DAB1: variants seen among roughly 807,000 people sequenced by gnomAD.
DAB1 encodes DAB adaptor protein 1.
DAB1 carries 15 observed loss-of-function variants against 64.6 expected under a neutral mutation model. The ratio of observed to expected loss-of-function variants is 0.23; its 90% CI spans 0.16 to 0.36. The LOEUF (loss-of-function observed/expected upper bound fraction) is 0.36, where lower values mean the gene tolerates loss of function less well. DAB1 is among the 10% of genes least tolerant of loss of function. The pLI is 1.00. For synonymous variants in DAB1, 235 were observed against 251.9 expected (o/e 0.93, Z 0.64); for missense variants, 596 against 706.7 (o/e 0.84, Z 1.78).
intron 2 of DAB1, among the ~76,000 whole-genome samples, chr1:57,205,990 A>G (rs1053): frequency 0.51 from 77,907 of 151,994 alleles, 20,064 homozygotes; most frequent in Admixed American, 0.55. Flanking sequence ...TCTTTTCAAT[A>G]AGCATTTGTC....
chr1:57,944,185 G>A (rs1280397241), intron 5 of DAB1, among the ~76,000 whole-genome samples: 1 of 152,008 alleles, frequency 6.6e-6, no homozygotes, highest in African/African-American at 2.4e-5. Context: ...TACTCAACAC[G>A]CTGGCTTCAT....
In DAB1 at chr1:57,864,075, A is replaced by G. The variant is rs1241295918; in HGVS notation, n.87+19924T>C. Among the ~76,000 whole-genome samples the G allele has an allele frequency of 3.3e-5, 5 of 152,182 alleles. No individual in the cohort carries two copies. In the East Asian group the frequency reaches 9.6e-4, roughly 29 times the overall value. The stretch of plus-strand genomic sequence containing the variant: ...CAGGAGGTGATGTGTGCTAGGACGA[A>G]AAAGGAGAGCAGAGTAAGGAGTGGG... On this transcript the variant is annotated intron_variant and non_coding_transcript_variant, in intron 1 of 1. Transcript: ENST00000477280.
rs146379875 is a variant in DAB1 at position 57,765,523 on chromosome 1, G to A, written n.552-115858C>T. 1.5e-3 allele frequency among the ~76,000 whole-genome samples: 234 copies of A among 152,212 alleles called. 2 individuals carry two copies. The highest frequency in any genetic ancestry group is 5.5e-3 in the African/African-American group (229 of 41,534). On this transcript the variant is annotated intron_variant and non_coding_transcript_variant, in intron 6 of 20. Coordinates refer to the DAB1 transcript ENST00000485760. ...ATTTCCACTTCGATGACAAGCCCAC[G>A]TGAAAGCATATCTAGGGGTAACTCA...
intron 6 of DAB1, among the ~76,000 whole-genome samples, chr1:57,722,032 A>T (rs1196747967): frequency 6.6e-6 from 1 of 152,176 alleles, no homozygotes. Flanking sequence ...AGTCTCTCCA[A>T]ACCAGGTCAG....
At chr1:58,317,604 G>A (rs1924567) in intron 4 of DAB1, among the ~76,000 whole-genome samples, 2,438 of 152,330 alleles carry the variant, frequency 0.016, 65 homozygotes, top group African/African-American at 0.05. Flanking sequence ...AAGGACCACA[G>A]ATGCAACCCG....
intron 2 of DAB1, among the ~76,000 whole-genome samples, chr1:57,270,738 ACTT>A (rs753385723): frequency 3.9e-5 from 6 of 152,322 alleles, no homozygotes; most frequent in Non-Finnish European, 7.3e-5. Context: ...TAGAGTGGAC[ACTT>A]TCATCTGTGA....
chr1:57,566,520 G>A (rs962210617), intron 7 of DAB1, among the ~76,000 whole-genome samples: 2 of 152,026 alleles, frequency 1.3e-5, no homozygotes, highest in African/African-American at 4.8e-5. Flanking sequence ...AAAATCGATA[G>A]ACCGCTAGCA....
chr1:57,268,946 G>T (rs1249567495), intron 2 of DAB1, among the ~76,000 whole-genome samples: 1 of 152,136 alleles, frequency 6.6e-6, no homozygotes, highest in African/African-American at 2.4e-5. Context: ...GGTGCTACCA[G>T]CCCTGGGATT....
chr1:58,073,520 CTA>C (rs1371464193), intron 5 of DAB1, among the ~76,000 whole-genome samples: 1 of 152,200 alleles, frequency 6.6e-6, no homozygotes, highest in Non-Finnish European at 1.5e-5. Context: ...AAGCCTAAGA[CTA>C]TGTCTGGTAG....
chr1:58,029,113 A>C (rs1646936270), intron 5 of DAB1, among the ~76,000 whole-genome samples: 1 of 152,142 alleles, frequency 6.6e-6, no homozygotes, highest in Non-Finnish European at 1.5e-5. Flanking sequence ...TAACACTAAG[A>C]CCAACTATAA....
At chr1:57,555,506 T>C (rs1392009202) in intron 7 of DAB1, among the ~76,000 whole-genome samples, 1 of 151,970 alleles carries the variant, frequency 6.6e-6, no homozygotes, top group Non-Finnish European at 1.5e-5. Context: ...AATAAGTCTA[T>C]GGAGTTTACA....
chr1:57,322,679 G>T (rs1410348628), intron 1 of DAB1, among the ~76,000 whole-genome samples: 1 of 152,272 alleles, frequency 6.6e-6, no homozygotes. Flanking sequence ...TATGCAGTAG[G>T]AGATACTCTA....
chr1:58,343,734 C>T (rs1029013401), intron 3 of DAB1, among the ~76,000 whole-genome samples: 2 of 152,156 alleles, frequency 1.3e-5, no homozygotes, highest in African/African-American at 4.8e-5. Context: ...ATCTTGTCTT[C>T]TCTATTGAAA....
At chr1:57,785,035 C>CA (rs1393399237) in intron 6 of DAB1, among the ~76,000 whole-genome samples, 3 of 152,132 alleles carry the variant, frequency 2.0e-5, no homozygotes, top group Non-Finnish European at 4.4e-5. Context: ...AACCAATACT[C>CA]ATTTAGTATT....
At chr1:58,446,043 C>T (rs1645062177) in intron 3 of DAB1, among the ~76,000 whole-genome samples, 1 of 152,182 alleles carries the variant, frequency 6.6e-6, no homozygotes, top group Admixed American at 6.5e-5. Context: ...CAGGACATCC[C>T]CGGTCCCGGA....
intron 5 of DAB1, among the ~76,000 whole-genome samples, chr1:58,119,979 T>C (rs1652637635): frequency 6.6e-6 from 1 of 152,070 alleles, no homozygotes. Flanking sequence ...ATCCCCACAT[T>C]CCAAAATTTG....
intron 1 of DAB1, among the ~76,000 whole-genome samples, chr1:57,391,810 CACAGAG>C (rs1682395903): frequency 7.3e-6 from 1 of 137,592 alleles, no homozygotes; most frequent in African/African-American, 2.9e-5. Context: ...CACACACACA[CACAGAG>C]AGAGGAGAGA....
At chr1:57,031,392 T>A (rs1455631738) in intron 9 of DAB1, among the ~76,000 whole-genome samples, 2 of 152,238 alleles carry the variant, frequency 1.3e-5, no homozygotes, top group Non-Finnish European at 2.9e-5. Flanking sequence ...ATGAATCATT[T>A]TAAAAGCCTC....
intron 3 of DAB1, among the ~76,000 whole-genome samples, chr1:58,473,410 C>T (rs1479897830): frequency 2.0e-5 from 3 of 151,798 alleles, no homozygotes; most frequent in East Asian, 1.9e-4. Context: ...GGCGCGGTGG[C>T]GGGCGCCTGT....
Sources: gnomAD v4.1 joint callset for allele counts (sites outside exome capture counted in the v4.1 genomes callset) on GRCh38, gnomAD v4.1.1 for gene constraint, MANE v1.5 for transcripts, NCBI Gene and HGNC (gene_info 2026-07-23, HGNC 2026-07-21) for gene names.